The following ATG5 variants were observed in gnomAD, a reference collection of about 807,000 sequenced individuals.
ATG5 encodes the protein autophagy protein 5.
In ATG5, 14 loss-of-function variants were observed where a neutral mutation model predicts 36.5. The observed-to-expected ratio is 0.38, with a 90% CI of 0.25 to 0.60. The LOEUF (loss-of-function observed/expected upper bound fraction) is 0.60, where lower values mean the gene tolerates loss of function less well. ATG5 is among the 20% of genes least tolerant of loss of function. The probability of loss-of-function intolerance (pLI) is 0.60; values close to 1 mark genes in which losing one functional copy is unlikely to be tolerated. For missense variants in ATG5, 195 were observed against 326.7 expected (o/e 0.60, Z 3.11); for synonymous variants, 95 against 101.5 (o/e 0.94, Z 0.38).
At chr6:106,186,746 T>C (rs1290938815) in intron 7 of ATG5, 70 bp from the exon 8 acceptor site, 1 of 1,539,534 alleles carries the variant, frequency 6.5e-7, no homozygotes, top group Non-Finnish European at 8.9e-7. Flanking sequence ...CTGGTGCCTT[T>C]TGAGAATCCT....
At chr6:106,288,068 T>G (rs1451182708) in intron 4 of ATG5, among the ~76,000 whole-genome samples, 2 of 151,784 alleles carry the variant, frequency 1.3e-5, no homozygotes, top group Non-Finnish European at 2.9e-5. Flanking sequence ...CCCCCCAGGT[T>G]CAAGCGATTC....
intron 6 of ATG5, among the ~76,000 whole-genome samples, chr6:106,239,400 A>G (rs1778022523): frequency 6.6e-6 from 1 of 152,190 alleles, no homozygotes; most frequent in Non-Finnish European, 1.5e-5. Flanking sequence ...AAGAAAGTGA[A>G]TTATATCAAA....
At chr6:106,274,166 A>C (rs1779557589) in intron 5 of ATG5, among the ~76,000 whole-genome samples, 1 of 152,216 alleles carries the variant, frequency 6.6e-6, no homozygotes, top group South Asian at 2.1e-4. Flanking sequence ...CATTTTTTAT[A>C]GATTTCCTCA....
chr6:106,217,983 T>G (rs1009486958), intron 6 of ATG5, among the ~76,000 whole-genome samples: 1 of 152,218 alleles, frequency 6.6e-6, no homozygotes, highest in Non-Finnish European at 1.5e-5. Context: ...TATAGCAGGC[T>G]TAACTTATGA....
intron 6 of ATG5, among the ~76,000 whole-genome samples, chr6:106,223,372 A>G (rs752638298): frequency 6.6e-6 from 1 of 152,200 alleles, no homozygotes; most frequent in Non-Finnish European, 1.5e-5. Flanking sequence ...GGAAAAACAT[A>G]TCTGCCAAAT....
chr6:106,201,734 A>C, intron 7 of ATG5: 1 of 258,302 alleles, frequency 3.9e-6, no homozygotes. Context: ...TACCAGAGAT[A>C]TACTAAGAGG....
intron 7 of ATG5, among the ~76,000 whole-genome samples, chr6:106,201,280 T>C (rs1279580687): frequency 9.3e-6 from 1 of 107,754 alleles, no homozygotes; most frequent in African/African-American, 5.2e-5. Flanking sequence ...TGTATATGTG[T>C]GTGTGTGTGT....
intron 6 of ATG5, among the ~76,000 whole-genome samples, chr6:106,243,607 G>A (rs960440667): frequency 5.3e-5 from 8 of 150,112 alleles, no homozygotes; most frequent in Admixed American, 5.3e-4. Flanking sequence ...GAGGCAGGTG[G>A]TTCACCTGAG....
chr6:106,234,998 C>T (rs996650437), intron 6 of ATG5, among the ~76,000 whole-genome samples: 12 of 152,096 alleles, frequency 7.9e-5, no homozygotes, highest in South Asian at 2.1e-4. Context: ...GTTATTTTAG[C>T]GGAAGAATGT....
intron 6 of ATG5, among the ~76,000 whole-genome samples, chr6:106,240,651 G>T (rs2114491813): frequency 1.3e-5 from 2 of 151,808 alleles, no homozygotes; most frequent in African/African-American, 4.8e-5. Flanking sequence ...ATACATTTTT[G>T]AAAAGTAAGC....
intron 6 of ATG5, among the ~76,000 whole-genome samples, chr6:106,204,241 T>A (rs1776545327): frequency 1.3e-5 from 2 of 151,866 alleles, no homozygotes; most frequent in South Asian, 4.2e-4. Flanking sequence ...AATGAAAAAA[T>A]AAATAAAAAT....
intron 4 of ATG5, among the ~76,000 whole-genome samples, chr6:106,281,609 T>C (rs983897881): frequency 6.6e-6 from 1 of 152,246 alleles, no homozygotes; most frequent in Non-Finnish European, 1.5e-5. Flanking sequence ...TTCTAGATAC[T>C]GGCTATTATT....
At chr6:106,229,510 CAG>C (rs1777590729) in intron 6 of ATG5, among the ~76,000 whole-genome samples, 2 of 151,590 alleles carry the variant, frequency 1.3e-5, no homozygotes, top group South Asian at 2.1e-4. Flanking sequence ...GAGAAAGAGG[CAG>C]AGAGACAAAC....
chr6:106,315,707 C>G (rs1770820943), intron 2 of ATG5, among the ~76,000 whole-genome samples: 1 of 152,084 alleles, frequency 6.6e-6, no homozygotes, highest in Non-Finnish European at 1.5e-5. Flanking sequence ...AGAATACAAT[C>G]TGAACCTATT....
intron 5 of ATG5, among the ~76,000 whole-genome samples, chr6:106,248,754 C>T (rs1279087278): frequency 6.6e-6 from 1 of 152,122 alleles, no homozygotes; most frequent in Admixed American, 6.5e-5. Context: ...GCCTGACCAA[C>T]ATGGAGAAAC....
At chr6:106,268,008 A>T in intron 5 of ATG5, among the ~76,000 whole-genome samples, 1 of 152,142 alleles carries the variant, frequency 6.6e-6, no homozygotes, top group East Asian at 1.9e-4. Flanking sequence ...ATCAAACTAA[A>T]CAGCTTCTGC....
chr6:106,296,234 C>T (rs1156451077), intron 3 of ATG5, among the ~76,000 whole-genome samples: 1 of 151,634 alleles, frequency 6.6e-6, no homozygotes, highest in Admixed American at 6.6e-5. Context: ...AAAGATAAAA[C>T]TTACTCCATG....
chr6:106,292,230 G>C (rs185423886), intron 4 of ATG5, among the ~76,000 whole-genome samples: 1 of 152,286 alleles, frequency 6.6e-6, no homozygotes, highest in East Asian at 1.9e-4. Context: ...TAATATAAGA[G>C]ACCGACATGG....
intron 6 of ATG5, among the ~76,000 whole-genome samples, chr6:106,242,350 C>T (rs1216716160): frequency 2.0e-5 from 3 of 152,018 alleles, no homozygotes; most frequent in African/African-American, 7.2e-5. Flanking sequence ...GCGAAATAAG[C>T]CTGTCACAAA....
Sources: allele counts gnomAD v4.1 joint callset (sites outside exome capture counted in the v4.1 genomes callset), GRCh38; gene constraint gnomAD v4.1.1; transcripts MANE v1.5; gene names NCBI Gene and HGNC (gene_info 2026-07-23, HGNC 2026-07-21).